The following ADAM10 variants were observed in gnomAD, a reference collection of about 807,000 sequenced individuals.
The protein encoded by ADAM10 is disintegrin and metalloproteinase domain-containing protein 10.
Under a neutral mutation model 90.1 loss-of-function variants are expected in ADAM10, and 17 were observed. That is an observed-to-expected ratio of 0.19 (90% CI 0.13 to 0.28). The LOEUF is 0.28. ADAM10 is among the 10% of genes least tolerant of loss of function. The probability of loss-of-function intolerance (pLI) is 1.00; values close to 1 mark genes in which losing one functional copy is unlikely to be tolerated. For missense variants in ADAM10, 610 were observed against 914.3 expected, an observed-to-expected ratio of 0.67 and a Z score of 4.29; for synonymous variants, 310 against 298.6, an observed-to-expected ratio of 1.04 and a Z score of -0.40.
chr15:58,669,037 C>T (rs1383100325), intron 4 of ADAM10, among the ~76,000 whole-genome samples: 1 of 152,108 alleles, frequency 6.6e-6, no homozygotes, highest in Non-Finnish European at 1.5e-5. Flanking sequence ...GCTGTGTACA[C>T]ATAAATCTCC....
At chr15:58,725,720 G>A (rs1454922825) in intron 1 of ADAM10, among the ~76,000 whole-genome samples, 1 of 151,972 alleles carries the variant, frequency 6.6e-6, no homozygotes, top group Admixed American at 6.6e-5. Flanking sequence ...AGATAAAACT[G>A]ACAGCACACT....
At position 58,725,415 on chromosome 15, in the gene ADAM10, G is replaced by C. The variant is rs111615058; in HGVS notation, c.56-7688C>G. On this transcript the variant is annotated intron_variant, in intron 1 of 15. Coordinates refer to ENST00000260408, the MANE Select transcript of ADAM10 (RefSeq NM_001110.4). Reference sequence around the variant, plus strand: ...AAATTAGCCAGGAATACTTTTTATTGCACACCTGTAATCCCAGCTATTCAG... The same window carrying C: ...AAATTAGCCAGGAATACTTTTTATTCCACACCTGTAATCCCAGCTATTCAG... Among the ~76,000 whole-genome samples, 495 of 148,814 alleles carry C rather than the reference G, an allele frequency of 3.3e-3. 5 individuals carry two copies. Among genetic ancestry groups the C allele is most frequent in the African/African-American group, 0.012 (474 of 40,634 alleles).
intron 2 of ADAM10, among the ~76,000 whole-genome samples, chr15:58,709,253 G>A (rs1268518100): frequency 6.6e-6 from 1 of 152,066 alleles, no homozygotes; most frequent in Non-Finnish European, 1.5e-5. Flanking sequence ...AAAAATCCAA[G>A]GTTGACTATG....
chr15:58,692,329 G>A (rs1393877579), intron 2 of ADAM10: 2 of 606,748 alleles, frequency 3.3e-6, no homozygotes, highest in African/African-American at 1.8e-5. Flanking sequence ...GATGTCATCA[G>A]GGTTTCTGGT....
In ADAM10 at chr15:58,634,041, T is replaced by G. The variant is rs192071675; in HGVS notation, c.1013-682A>C. Among the ~76,000 whole-genome samples the G allele has an allele frequency of 1.5e-3, 223 of 152,242 alleles. 1 individual carries two copies. Among genetic ancestry groups the G allele is most frequent in the African/African-American group, 5.0e-3 (206 of 41,532 alleles). ...AAGAATTCACCACTGCTGAGCGCAG[T>G]GGCTCACGCCTGTAATCCCAGCACT... is the stretch of plus-strand genomic sequence containing the variant. On this transcript the variant is annotated intron_variant, in intron 8 of 15. Coordinates refer to ENST00000260408, the MANE Select transcript of ADAM10 (RefSeq NM_001110.4).
intron 1 of ADAM10, among the ~76,000 whole-genome samples, chr15:58,718,347 T>C (rs769675964): frequency 9.9e-5 from 15 of 152,182 alleles, no homozygotes; most frequent in Non-Finnish European, 1.5e-4. Flanking sequence ...TAAACCCTAC[T>C]TGGTCATGTT....
intron 1 of ADAM10, among the ~76,000 whole-genome samples, chr15:58,736,226 C>T (rs1396984225): frequency 6.6e-6 from 1 of 152,126 alleles, no homozygotes; most frequent in Non-Finnish European, 1.5e-5. Flanking sequence ...AAAACAGCTC[C>T]ACCCTACAAG....
chr15:58,625,883 G>C (rs1895926243), intron 10 of ADAM10, among the ~76,000 whole-genome samples: 1 of 152,194 alleles, frequency 6.6e-6, no homozygotes, highest in Non-Finnish European at 1.5e-5. Context: ...GAATTATGTT[G>C]AGTGAGAAAA....
intron 5 of ADAM10, among the ~76,000 whole-genome samples, chr15:58,659,571 T>C (rs190250394): frequency 1.8e-4 from 27 of 152,308 alleles, no homozygotes; most frequent in African/African-American, 5.5e-4. Flanking sequence ...TTGAGCATAA[T>C]GTGTTTTTTT....
intron 9 of ADAM10, among the ~76,000 whole-genome samples, chr15:58,631,557 G>A (rs1430725364): frequency 6.6e-6 from 1 of 152,118 alleles, no homozygotes; most frequent in African/African-American, 2.4e-5. Flanking sequence ...TAGAAATACA[G>A]AAACTCAGGC....
intron 8 of ADAM10, among the ~76,000 whole-genome samples, chr15:58,634,333 A>G (rs1356982525): frequency 6.6e-6 from 1 of 152,074 alleles, no homozygotes. Flanking sequence ...ATTTCACCAT[A>G]CTATTCTTGC....
intron 2 of ADAM10, among the ~76,000 whole-genome samples, chr15:58,711,923 A>C (rs1898486474): frequency 6.6e-6 from 1 of 152,098 alleles, no homozygotes; most frequent in South Asian, 2.1e-4. Flanking sequence ...TCTATTAGGA[A>C]GAAGAAAGAG....
intron 2 of ADAM10, among the ~76,000 whole-genome samples, chr15:58,713,582 T>C (rs561905895): frequency 6.6e-6 from 1 of 152,202 alleles, no homozygotes; most frequent in Non-Finnish European, 1.5e-5. Flanking sequence ...GCAATCCAAT[T>C]CATCAGAACT....
chr15:58,720,552 C>A (rs113811865), intron 1 of ADAM10, among the ~76,000 whole-genome samples: 21 of 151,982 alleles, frequency 1.4e-4, no homozygotes, highest in Non-Finnish European at 2.9e-4. Context: ...CAGGCACCTG[C>A]CACCACGCCC....
intron 2 of ADAM10, among the ~76,000 whole-genome samples, chr15:58,707,100 C>T (rs1898324065): frequency 6.7e-6 from 1 of 148,680 alleles, no homozygotes; most frequent in Admixed American, 6.7e-5. Context: ...GAAAAAAGCT[C>T]AGCCAGGCAC....
At chr15:58,622,817 A>G (rs1483412838) in intron 10 of ADAM10, among the ~76,000 whole-genome samples, 1 of 152,226 alleles carries the variant, frequency 6.6e-6, no homozygotes, top group Non-Finnish European at 1.5e-5. Flanking sequence ...CATAAAATCA[A>G]AGAGCTTTAG....
At chr15:58,695,632 G>GTTTT (rs1310073253) in intron 2 of ADAM10, among the ~76,000 whole-genome samples, 7 of 151,506 alleles carry the variant, frequency 4.6e-5, no homozygotes, top group African/African-American at 1.5e-4. Context: ...GCTACAAAAA[G>GTTTT]ATATTTAAGT....
At chr15:58,668,215 T>C (rs766403822) in intron 4 of ADAM10, among the ~76,000 whole-genome samples, 7 of 152,214 alleles carry the variant, frequency 4.6e-5, no homozygotes, top group Admixed American at 3.3e-4. Flanking sequence ...CTATTCATTA[T>C]TGTATGGATA....
rs1232220269 is a variant in ADAM10 at position 58,625,983 on chromosome 15, AG to A, written c.1360+1716del. Reference sequence around the variant, plus strand: ...TTTTACATATGGAGAACAGGGTAGCAGGGGGGAGGAAGGGACAACAGAAGGG... The same window carrying A: ...TTTTACATATGGAGAACAGGGTAGCAGGGGGAGGAAGGGACAACAGAAGGG... On this transcript the variant is annotated intron_variant, in intron 10 of 15. Transcript: ENST00000260408. Among the ~76,000 whole-genome samples the A allele has an allele frequency of 5.1e-5, 6 of 116,942 alleles. No individual in the cohort carries two copies. The East Asian group carries it at 1.7e-3, about 32-fold the overall frequency. The allele number at this position is 116,942 out of a possible 152,430, so 76.7% of individuals were successfully genotyped here.
Sources: gnomAD v4.1 joint callset for allele counts (sites outside exome capture counted in the v4.1 genomes callset) on GRCh38, gnomAD v4.1.1 for gene constraint, MANE v1.5 for transcripts, NCBI Gene and HGNC (gene_info 2026-07-23, HGNC 2026-07-21) for gene names.